PCDHGA7: variants seen among roughly 807,000 people sequenced by gnomAD.
PCDHGA7 encodes protocadherin gamma subfamily A, 7.
PCDHGA7 carries 44 observed loss-of-function variants against 58.3 expected under a neutral mutation model. The observed-to-expected ratio is 0.75, with a 90% CI of 0.59 to 0.97. The LOEUF (loss-of-function observed/expected upper bound fraction) is 0.97. PCDHGA7 is among the 50% of genes least tolerant of loss of function. PCDHGA7 has a pLI of 0.00. For synonymous variants in PCDHGA7, 516 were observed against 504.2 expected, an observed-to-expected ratio of 1.02 and a Z score of -0.31; for missense variants, 1,266 against 1,188.7, an observed-to-expected ratio of 1.06 and a Z score of -0.96.
intron 1 of PCDHGA7, chr5:141,423,091 G>GCGTAC (rs2096708211): frequency 2.5e-6 from 4 of 1,613,908 alleles, no homozygotes; most frequent in African/African-American, 2.7e-5. Context: ...CGCGGTGGGG[G>GCGTAC]AGCACACGGG....
intron 2 of PCDHGA7, among the ~76,000 whole-genome samples, chr5:141,495,279 G>C (rs72790069): frequency 0.027 from 4,092 of 152,256 alleles, 88 homozygotes; most frequent in Middle Eastern, 0.048. Flanking sequence ...CGGAGGAGGC[G>C]GTCCGCACTC....
chr5:141,489,983 G>T lies in PCDHGA7; in HGVS notation c.2425-4824G>T. ...CCAACCTTCCAATCCTCAGTTCTACGTGTGGGAATCCCAGAGAATGCACCC... is the reference window on the plus strand; with the variant it reads ...CCAACCTTCCAATCCTCAGTTCTACTTGTGGGAATCCCAGAGAATGCACCC... On this transcript the variant is annotated intron_variant, in intron 1 of 3. Coordinates refer to ENST00000518325, the MANE Select transcript of PCDHGA7 (RefSeq NM_018920.4). The surrounding 1 kb of genome is among the most constrained non-coding windows in gnomAD (Gnocchi z 4.5). The T allele has an allele frequency of 6.2e-7, 1 of 1,614,172 alleles. No homozygotes were observed. Among genetic ancestry groups the T allele is most frequent in the Non-Finnish European group, 8.5e-7 (1 of 1,179,996 alleles).
chr5:141,422,433 T>C, intron 1 of PCDHGA7: 2 of 1,609,628 alleles, frequency 1.2e-6, no homozygotes. Context: ...ATGGAAATTA[T>C]TACAAATTGA....
chr5:141,401,641 A>C (rs557366973), intron 1 of PCDHGA7, among the ~76,000 whole-genome samples: 1 of 152,374 alleles, frequency 6.6e-6, no homozygotes, highest in African/African-American at 2.4e-5. Context: ...GGAGCTTTAA[A>C]TATAAATGAC....
intron 1 of PCDHGA7, among the ~76,000 whole-genome samples, chr5:141,456,187 A>G (rs989106132): frequency 3.9e-5 from 6 of 152,084 alleles, no homozygotes; most frequent in African/African-American, 1.4e-4. Flanking sequence ...TAATTTCTTA[A>G]TAACTCCTAC....
At chr5:141,423,375 G>C in intron 1 of PCDHGA7, 1 of 1,614,192 alleles carries the variant, frequency 6.2e-7, no homozygotes, top group Non-Finnish European at 8.5e-7. Context: ...TGGCACTCAG[G>C]CTGTGGCGCT....
chr5:141,445,035 T>C (rs1438748354), intron 1 of PCDHGA7, among the ~76,000 whole-genome samples: 1 of 152,208 alleles, frequency 6.6e-6, no homozygotes, highest in Admixed American at 6.5e-5. Flanking sequence ...CTATGTTGTA[T>C]AGTTTTCAGT....
rs1222364302 is a variant in PCDHGA7, at chr5:141,414,920, C to T, written c.2424+29597C>T. On this transcript the variant is annotated intron_variant, in intron 1 of 3. Coordinates refer to ENST00000518325, the MANE Select transcript of PCDHGA7 (RefSeq NM_018920.4). ...GACGGTTCCACAGGCGTGGAGCTGG[C>T]GCCCCGCTCCGCAGAGCCCGGCTAC... 2.5e-6 allele frequency: 4 copies of T among 1,614,146 alleles called. No individual in the cohort carries two copies. The South Asian group carries it at 3.3e-5, about 13-fold the overall frequency.
intron 1 of PCDHGA7, among the ~76,000 whole-genome samples, chr5:141,444,862 A>G (rs781224880): frequency 1.8e-4 from 28 of 152,198 alleles, no homozygotes; most frequent in Non-Finnish European, 2.9e-4. Flanking sequence ...AAGTCTTACT[A>G]CAGGACAAAG....
At chr5:141,420,546 G>A in intron 1 of PCDHGA7, 1 of 284,254 alleles carries the variant, frequency 3.5e-6, no homozygotes, top group South Asian at 1.2e-4. Context: ...ATAAAATACA[G>A]GTATATTTTT....
rs185280755 is a variant in PCDHGA7 at position 141,476,824 on chromosome 5, C to T, written c.2425-17983C>T. Reference sequence around the variant, plus strand: ...TGCCTATTCACATCAAGGTGCTGGACGCGAATGACAATGCGCCTGTCTTCA... The same window carrying T: ...TGCCTATTCACATCAAGGTGCTGGATGCGAATGACAATGCGCCTGTCTTCA... On this transcript the variant is annotated intron_variant, in intron 1 of 3. Transcript: ENST00000518325. This position sits in a 1 kb window ranked among gnomAD's most constrained non-coding sequence, Gnocchi z 7.6. 24 of 1,613,588 alleles carry T rather than the reference C, an allele frequency of 1.5e-5. No homozygotes were observed. The East Asian group carries it at 4.5e-4, about 30-fold the overall frequency.
intron 1 of PCDHGA7, among the ~76,000 whole-genome samples, chr5:141,465,280 C>T (rs922029628): frequency 7.2e-5 from 11 of 151,990 alleles, no homozygotes; most frequent in Non-Finnish European, 1.5e-4. Flanking sequence ...TTAGTTCACC[C>T]CTAAAGAACT....
chr5:141,486,012 A>C lies in PCDHGA7; in HGVS notation c.2425-8795A>C. The C allele has an allele frequency of 1.9e-6, 3 of 1,614,064 alleles. No homozygotes were observed. The highest frequency in any genetic ancestry group is 2.5e-6 in the Non-Finnish European group (3 of 1,179,984). On this transcript the variant is annotated intron_variant, in intron 1 of 3. Coordinates refer to ENST00000518325, the MANE Select transcript of PCDHGA7 (RefSeq NM_018920.4). The surrounding 1 kb of genome is among the most constrained non-coding windows in gnomAD (Gnocchi z 5.0). ...GGTCCCAGTGGTAACGTCACCTTTT[A>C]TTTCAGTGGTCATACCCCTGATCGT...
rs369748404 is a variant in PCDHGA7 at position 141,476,671 on chromosome 5, G to A, written c.2425-18136G>A. The A allele has an allele frequency of 6.2e-7, 1 of 1,614,128 alleles. No homozygotes were observed. Among genetic ancestry groups the A allele is most frequent in the Non-Finnish European group, 8.5e-7 (1 of 1,180,056 alleles). On this transcript the variant is annotated intron_variant, in intron 1 of 3. Coordinates refer to ENST00000518325, the MANE Select transcript of PCDHGA7 (RefSeq NM_018920.4). This position sits in a 1 kb window ranked among gnomAD's most constrained non-coding sequence, Gnocchi z 7.6. ...ATGAATACTTTGCGCTTCGCGTGCA[G>A]ACGCGGGAGGACAGCACCAAGTACG...
chr5:141,421,871 C>CT, intron 1 of PCDHGA7: 1 of 1,613,756 alleles, frequency 6.2e-7, no homozygotes, highest in East Asian at 2.2e-5. Flanking sequence ...CTCCTCACAG[C>CT]TTTAGATGGA....
At position 141,383,424 on chromosome 5, in the gene PCDHGA7, T is replaced by A; in HGVS notation, c.525T>A (p.Asn175Lys). ...NSLQSYQLSP[N>K]RHFSLAVQSG... Reference sequence around the variant, plus strand: ...TCCAGAGTTACCAGCTCAGCCCCAATCGCCACTTCTCCCTGGCTGTGCAAA... The same window carrying A: ...TCCAGAGTTACCAGCTCAGCCCCAAACGCCACTTCTCCCTGGCTGTGCAAA... Residue 175 changes from asparagine (N) to lysine (K), a missense_variant, in exon 1 of 4, where the codon AAT becomes AAA. Transcript: ENST00000518325. The A allele has an allele frequency of 6.2e-7, 1 of 1,613,978 alleles. No homozygotes were observed. The highest frequency in any genetic ancestry group is 8.5e-7 in the Non-Finnish European group (1 of 1,179,896).
intron 1 of PCDHGA7, chr5:141,424,304 C>T (rs909355692): frequency 2.0e-5 from 3 of 152,464 alleles, no homozygotes; most frequent in Admixed American, 2.0e-4. Flanking sequence ...CCTATCAACA[C>T]AGACATATTG....
Position 141,382,845 on chromosome 5 carries a change from C to T in PCDHGA7, c.-55C>T. 1 of 1,475,804 alleles carries T rather than the reference C, an allele frequency of 6.8e-7. No homozygotes were observed. The highest frequency in any genetic ancestry group is 1.4e-5 in the African/African-American group (1 of 71,054). The allele number at this position is 1,475,804 out of a possible 1,614,324, so 91.4% of individuals were successfully genotyped here. A position where few individuals can be genotyped will look rare whatever the true frequency, so the allele number is the denominator to read the frequency against. On this transcript the variant is annotated 5_prime_UTR_variant, in exon 1 of 4. Coordinates refer to ENST00000518325, the MANE Select transcript of PCDHGA7 (RefSeq NM_018920.4). Reference sequence around the variant, plus strand: ...ACAGAGGGGTCCACCCGGATACACCCGCATTCTGAAGCACTTCCCGAGATC... The same window carrying T: ...ACAGAGGGGTCCACCCGGATACACCTGCATTCTGAAGCACTTCCCGAGATC...
chr5:141,467,268 G>C lies in PCDHGA7; in HGVS notation c.2425-27539G>C, dbSNP rs1195615721. On this transcript the variant is annotated intron_variant, in intron 1 of 3. Transcript: ENST00000518325. The stretch of plus-strand genomic sequence containing the variant: ...GGGTTTCACCATGTTGGCCAGGCTG[G>C]TCTCGAACTCTTGACCTCAAGTGAT... Among the ~76,000 whole-genome samples, 3 of 152,030 alleles carry C rather than the reference G, an allele frequency of 2.0e-5. No homozygotes were observed. The South Asian group carries it at 6.2e-4, about 32-fold the overall frequency.
Sources: allele counts gnomAD v4.1 joint callset (sites outside exome capture counted in the v4.1 genomes callset), GRCh38; gene constraint gnomAD v4.1.1; non-coding constraint Gnocchi (gnomAD v3.1); transcripts MANE v1.5; gene names NCBI Gene and HGNC (gene_info 2026-07-23, HGNC 2026-07-21).